FOXP1: variants seen among roughly 807,000 people sequenced by gnomAD.
FOXP1 encodes the protein forkhead box protein P1.
Under a neutral mutation model 98.2 loss-of-function variants are expected in FOXP1, and 15 were observed. The observed-to-expected ratio is 0.15, with a 90% confidence interval of 0.10 to 0.24. The LOEUF (loss-of-function observed/expected upper bound fraction) is 0.24. FOXP1 is among the 10% of genes least tolerant of loss of function. The pLI is 1.00. For missense variants in FOXP1, 633 were observed against 848.5 expected (o/e 0.75, Z 3.15); for synonymous variants, 371 against 314.5 (o/e 1.18, Z -1.90).
chr3:70,966,567 G>GAATC (rs2034830020), intron 19 of FOXP1, among the ~76,000 whole-genome samples: 1 of 152,060 alleles, frequency 6.6e-6, no homozygotes, highest in African/African-American at 2.4e-5. Context: ...TATAGAATTG[G>GAATC]AATCAATTTT....
At chr3:71,183,879 G>A (rs938497075) in intron 6 of FOXP1, among the ~76,000 whole-genome samples, 1 of 152,088 alleles carries the variant, frequency 6.6e-6, no homozygotes, top group Admixed American at 6.6e-5. Context: ...AGCGCCTGGC[G>A]TGGTGGCTCA....
intron 2 of FOXP1, among the ~76,000 whole-genome samples, chr3:71,550,058 T>C (rs1051599878): frequency 6.6e-6 from 1 of 152,268 alleles, no homozygotes; most frequent in South Asian, 2.1e-4. Context: ...GCAAACAGTA[T>C]AGCATAAATA....
At chr3:71,321,167 C>T (rs1451779237) in intron 4 of FOXP1, among the ~76,000 whole-genome samples, 1 of 149,568 alleles carries the variant, frequency 6.7e-6, no homozygotes, top group Admixed American at 6.7e-5. Context: ...GATAGTAAGA[C>T]GATTTTGCAT....
At chr3:71,199,518 G>T (rs755680673) in intron 5 of FOXP1, among the ~76,000 whole-genome samples, 1 of 151,742 alleles carries the variant, frequency 6.6e-6, no homozygotes. Context: ...CTTAAGGTCA[G>T]GAGTTCGAGA....
intron 7 of FOXP1, among the ~76,000 whole-genome samples, chr3:71,098,175 C>A (rs1176263821): frequency 5.3e-5 from 8 of 152,154 alleles, no homozygotes; most frequent in Non-Finnish European, 8.8e-5. Context: ...TCAAGTAAAC[C>A]AATTCCTTTC....
chr3:71,279,379 G>C (rs562695183), intron 5 of FOXP1, among the ~76,000 whole-genome samples: 93 of 152,132 alleles, frequency 6.1e-4, no homozygotes, highest in Middle Eastern at 3.4e-3. Context: ...TCCTCCATGA[G>C]ACACTTGGCG....
chr3:71,220,690 T>C (rs2065295805), intron 5 of FOXP1, among the ~76,000 whole-genome samples: 1 of 151,492 alleles, frequency 6.6e-6, no homozygotes, highest in Non-Finnish European at 1.5e-5. Flanking sequence ...GAGGTGGAGG[T>C]TGCAGTGAGC....
At chr3:71,130,441 C>A (rs2059496484) in intron 6 of FOXP1, 2 of 1,537,234 alleles carry the variant, frequency 1.3e-6, no homozygotes, top group Non-Finnish European at 1.8e-6. Context: ...AAGAACGGAT[C>A]CCTAGTTTAA....
chr3:71,079,759 C>T (rs1159538150), intron 7 of FOXP1, among the ~76,000 whole-genome samples: 3 of 152,234 alleles, frequency 2.0e-5, no homozygotes, highest in African/African-American at 7.2e-5. Context: ...CTTCACTCAG[C>T]ACCCAGCACA....
intron 11 of FOXP1, among the ~76,000 whole-genome samples, chr3:71,030,582 C>T (rs2046731466): frequency 6.6e-6 from 1 of 152,240 alleles, no homozygotes; most frequent in Non-Finnish European, 1.5e-5. Flanking sequence ...GCTACATTCC[C>T]ACACTAGGAC....
chr3:71,308,562 G>GT (rs2074443689), intron 4 of FOXP1, among the ~76,000 whole-genome samples: 1 of 152,284 alleles, frequency 6.6e-6, no homozygotes, highest in South Asian at 2.1e-4. Context: ...GGTTAGGACT[G>GT]TAAGTTTCCT....
chr3:71,201,735 C>T (rs76534853), intron 5 of FOXP1, among the ~76,000 whole-genome samples: 2,846 of 151,842 alleles, frequency 0.019, 101 homozygotes, highest in African/African-American at 0.065. Flanking sequence ...CAAGGAAATC[C>T]ATCTAATTAT....
chr3:71,229,898 G>A (rs76102497), intron 5 of FOXP1, among the ~76,000 whole-genome samples: 5 of 152,128 alleles, frequency 3.3e-5, no homozygotes, highest in African/African-American at 9.6e-5. Flanking sequence ...ACGGCCACTC[G>A]AGTATCCTCC....
At chr3:71,420,250 T>C (rs1004222041) in intron 3 of FOXP1, among the ~76,000 whole-genome samples, 1 of 152,200 alleles carries the variant, frequency 6.6e-6, no homozygotes, top group Non-Finnish European at 1.5e-5. Context: ...ATATTAGGTA[T>C]ATTATACTAC....
At chr3:71,224,090 GTA>G (rs1576459597) in intron 5 of FOXP1, among the ~76,000 whole-genome samples, 1 of 152,222 alleles carries the variant, frequency 6.6e-6, no homozygotes, top group Admixed American at 6.5e-5. Flanking sequence ...TGTACCATCT[GTA>G]TAGTAAAAGA....
At chr3:71,540,570 A>C (rs544486112) in intron 2 of FOXP1, among the ~76,000 whole-genome samples, 20 of 152,330 alleles carry the variant, frequency 1.3e-4, no homozygotes, top group African/African-American at 4.6e-4. Flanking sequence ...CACCATGCTA[A>C]GTGTCTCATG....
chr3:71,197,907 A>G (rs768419605), intron 6 of FOXP1: 4 of 1,614,214 alleles, frequency 2.5e-6, no homozygotes. Context: ...ATTTTATTCA[A>G]AATGGGGAAG....
intron 3 of FOXP1, among the ~76,000 whole-genome samples, chr3:71,455,107 T>C (rs140854675): frequency 1.0e-3 from 157 of 152,266 alleles, no homozygotes; most frequent in African/African-American, 3.6e-3. Context: ...TCTTTACAAA[T>C]AGTCAGTTTT....
intron 6 of FOXP1, among the ~76,000 whole-genome samples, chr3:71,134,324 G>A (rs1283587905): frequency 6.6e-6 from 1 of 152,070 alleles, no homozygotes; most frequent in African/African-American, 2.4e-5. Flanking sequence ...TCTTAACAGG[G>A]CACAAATGTA....
Sources: allele counts gnomAD v4.1 joint callset (sites outside exome capture counted in the v4.1 genomes callset), GRCh38; gene constraint gnomAD v4.1.1; transcripts MANE v1.5; gene names NCBI Gene and HGNC (gene_info 2026-07-23, HGNC 2026-07-21).